The following AFDN variants were observed in gnomAD, a reference collection of about 807,000 sequenced individuals.
AFDN encodes afadin, adherens junction formation factor.
Under a neutral mutation model 216.6 loss-of-function variants are expected in AFDN, and 68 were observed. That is an observed-to-expected ratio of 0.31 (90% CI 0.26 to 0.38). AFDN has a LOEUF of 0.38. AFDN is among the 10% of genes least tolerant of loss of function. The pLI, the probability that AFDN is intolerant of heterozygous loss-of-function variation, is 1.00. For missense variants in AFDN, 2,136 were observed against 2,342.0 expected (o/e 0.91, Z 1.82); for synonymous variants, 868 against 853.7 (o/e 1.02, Z -0.29).
At chr6:167,834,535 C>G (rs1351194897) in intron 1 of AFDN, among the ~76,000 whole-genome samples, 1 of 127,682 alleles carries the variant, frequency 7.8e-6, no homozygotes, top group East Asian at 2.7e-4. Flanking sequence ...AATAACAAGT[C>G]ACGGTGCATC....
At chr6:167,921,509 G>A (rs1463769688) in intron 21 of AFDN, among the ~76,000 whole-genome samples, 3 of 152,182 alleles carry the variant, frequency 2.0e-5, no homozygotes, top group East Asian at 1.9e-4. Context: ...ACTTTGTGCC[G>A]TCAATATATA....
At chr6:167,966,649 G>A (rs1797595492) in intron 32 of AFDN, among the ~76,000 whole-genome samples, 1 of 152,158 alleles carries the variant, frequency 6.6e-6, no homozygotes, top group Non-Finnish European at 1.5e-5. Flanking sequence ...ACACGCTGTA[G>A]TGTCTCTAGA....
At chr6:167,905,417 T>C (rs899010220) in intron 12 of AFDN, among the ~76,000 whole-genome samples, 1 of 152,186 alleles carries the variant, frequency 6.6e-6, no homozygotes, top group East Asian at 1.9e-4. Flanking sequence ...CTTAAAAAAA[T>C]GTGTAGTCCA....
Position 167,969,965 on chromosome 6 carries a change from C to T in AFDN, c.*30C>T. On this transcript the variant is annotated 3_prime_UTR_variant, in exon 34 of 34. Transcript: ENST00000683244. Reference sequence around the variant, plus strand: ...AAATGAGGAGAACACTTTGTATTTACCCCAAAATCTTTTCAGTTGTGGGTT... The same window carrying T: ...AAATGAGGAGAACACTTTGTATTTATCCCAAAATCTTTTCAGTTGTGGGTT... 1 of 1,571,114 alleles carries T rather than the reference C, an allele frequency of 6.4e-7. No homozygotes were observed. Among genetic ancestry groups the T allele is most frequent in the East Asian group, 2.3e-5 (1 of 42,632 alleles).
At chr6:167,882,563 A>G (rs2340902) in intron 6 of AFDN, among the ~76,000 whole-genome samples, 71,089 of 151,726 alleles carry the variant, frequency 0.47, 17,479 homozygotes, top group Middle Eastern at 0.56. Context: ...AGGCAGGACA[A>G]TTACTTGAAC....
chr6:167,911,936 G>T, intron 15 of AFDN: 1 of 176,772 alleles, frequency 5.7e-6, no homozygotes, highest in Admixed American at 5.5e-5. Flanking sequence ...AGTTCCTGGG[G>T]TTTTTCTCTT....
intron 11 of AFDN, among the ~76,000 whole-genome samples, chr6:167,900,441 A>G (rs1274308193): frequency 1.3e-5 from 2 of 152,250 alleles, no homozygotes; most frequent in Non-Finnish European, 2.9e-5. Flanking sequence ...ATGAGCTACT[A>G]TTCTCTGAAT....
intron 9 of AFDN, among the ~76,000 whole-genome samples, chr6:167,895,073 T>C (rs1788067503): frequency 6.6e-6 from 1 of 152,216 alleles, no homozygotes. Flanking sequence ...TCTTTATTGA[T>C]TGCTAACTAT....
intron 5 of AFDN, among the ~76,000 whole-genome samples, chr6:167,876,946 G>T (rs1236782021): frequency 5.3e-5 from 8 of 152,098 alleles, no homozygotes; most frequent in African/African-American, 1.9e-4. Flanking sequence ...TTTCATTGTA[G>T]CCTAAGCTTT....
chr6:167,869,191 A>G (rs1054872274), intron 2 of AFDN, among the ~76,000 whole-genome samples: 4 of 151,986 alleles, frequency 2.6e-5, no homozygotes, highest in Non-Finnish European at 4.4e-5. Context: ...CAGTGGGCAG[A>G]GCTGGACAGG....
chr6:167,881,452 A>T (rs867138170), intron 6 of AFDN, among the ~76,000 whole-genome samples: 1 of 152,232 alleles, frequency 6.6e-6, no homozygotes, highest in Non-Finnish European at 1.5e-5. Flanking sequence ...AATTTTGCAG[A>T]TGTAAATGAG....
At chr6:167,889,680 G>T (rs1413406096) in intron 7 of AFDN, among the ~76,000 whole-genome samples, 2 of 152,186 alleles carry the variant, frequency 1.3e-5, no homozygotes, top group African/African-American at 4.8e-5. Flanking sequence ...TCATTAACTT[G>T]CTTGATGATT....
chr6:167,947,888 G>A lies in AFDN; in HGVS notation c.3589G>A (p.Ala1197Thr). 2 of 1,613,938 alleles carry A rather than the reference G, an allele frequency of 1.2e-6. No individual in the cohort carries two copies. Among genetic ancestry groups the A allele is most frequent in the East Asian group, 2.2e-5 (1 of 44,862 alleles). ...TAGTCCTGGAGGGAAAAGTGCATAT[G>A]CCTCTGGAACAACAGCGAAGATAAC... is the stretch of plus-strand genomic sequence containing the variant. ...PPSPGGKSAYASGTTAKITSV... is the reference protein window; with the variant it reads ...PPSPGGKSAYTSGTTAKITSV... The change falls in exon 28 of 34, where the codon GCC (alanine) becomes ACC (threonine). Residue 1197 changes from alanine to threonine, a missense_variant. Transcript: ENST00000683244.
chr6:167,888,151 A>G (rs17165155), intron 6 of AFDN, among the ~76,000 whole-genome samples: 1,859 of 152,356 alleles, frequency 0.012, 23 homozygotes, highest in South Asian at 0.028. Context: ...ATCCTGAAGT[A>G]GTATGTGTTC....
intron 6 of AFDN, among the ~76,000 whole-genome samples, chr6:167,884,588 T>C (rs926163324): frequency 1.3e-5 from 2 of 152,148 alleles, no homozygotes; most frequent in Admixed American, 1.3e-4. Flanking sequence ...TTCAAAGGGT[T>C]CTTATTTTTT....
chr6:167,874,829 G>A (rs780298229), intron 4 of AFDN, among the ~76,000 whole-genome samples: 4 of 151,834 alleles, frequency 2.6e-5, no homozygotes, highest in Admixed American at 1.3e-4. Flanking sequence ...TGGTCAGGCC[G>A]GTCTCCAACT....
In AFDN at chr6:167,880,528, T is replaced by G. The variant is rs779808884; in HGVS notation, c.897+11T>G. On this transcript the variant is annotated intron_variant, in intron 6 of 33. Coordinates refer to ENST00000683244, the MANE Select transcript of AFDN (RefSeq NM_001386888.1). ...TACTGCATCGCCCGGGTAAGGAACT[T>G]TATCAAATCAGTAGTTCTTTCTACT... 6.2e-7 allele frequency: 1 copy of G among 1,612,070 alleles called. No homozygotes were observed. Among genetic ancestry groups the G allele is most frequent in the East Asian group, 2.2e-5 (1 of 44,810 alleles).
chr6:167,865,001 TA>T (rs1247341413), intron 2 of AFDN: 3 of 578,816 alleles, frequency 5.2e-6, no homozygotes, highest in Non-Finnish European at 9.6e-6. Context: ...TCTCCAAAGA[TA>T]AGTAACGTTA....
intron 31 of AFDN, chr6:167,964,028 G>A (rs573955496): frequency 8.0e-5 from 85 of 1,064,450 alleles, no homozygotes; most frequent in Middle Eastern, 8.4e-4. Context: ...GGGTTGTCAC[G>A]GCAGCACAGT....
Sources: gnomAD v4.1 joint callset for allele counts (sites outside exome capture counted in the v4.1 genomes callset) on GRCh38, gnomAD v4.1.1 for gene constraint, MANE v1.5 for transcripts, NCBI Gene and HGNC (gene_info 2026-07-23, HGNC 2026-07-21) for gene names.